The following HNF4G variants were observed in gnomAD, a reference collection of about 807,000 sequenced individuals.
HNF4G encodes hepatocyte nuclear factor 4 gamma, also known as hepatocyte nuclear factor 4-gamma.
In HNF4G, 21 loss-of-function variants were observed where a neutral mutation model predicts 50.9. The observed-to-expected ratio is 0.41, with a 90% confidence interval of 0.29 to 0.59. HNF4G has a LOEUF of 0.59. Among genes scored for constraint, HNF4G ranks in the 20% least tolerant of loss-of-function variants. The pLI is 0.26. For missense variants in HNF4G, 527 were observed against 559.4 expected (o/e 0.94, Z 0.58); for synonymous variants, 198 against 185.6 (o/e 1.07, Z -0.54).
At chr8:75,546,779 G>A (rs966418144) in intron 2 of HNF4G, among the ~76,000 whole-genome samples, 2 of 152,066 alleles carry the variant, frequency 1.3e-5, no homozygotes, top group African/African-American at 2.4e-5. Flanking sequence ...CAGTTGATAG[G>A]CATTTGGATA....
chr8:75,508,019 G>GA lies in HNF4G; in HGVS notation c.-24+17821dup, dbSNP rs1420512765. Among the ~76,000 whole-genome samples the GA allele has an allele frequency of 6.4e-3, 927 of 144,896 alleles. 9 individuals carry two copies. Among genetic ancestry groups the GA allele is most frequent in the African/African-American group, 0.021 (841 of 40,074 alleles). ...ATGAACAGAATAAAATAATAATTTT[G>GA]AAAAAAAAAAGATAAAAGCGAGAAG... On this transcript the variant is annotated intron_variant, in intron 2 of 10. Coordinates refer to the HNF4G transcript ENST00000354370.
At chr8:75,503,226 G>T (rs1456080916) in intron 2 of HNF4G, among the ~76,000 whole-genome samples, 1 of 152,114 alleles carries the variant, frequency 6.6e-6, no homozygotes, top group Admixed American at 6.6e-5. Context: ...GTTTGGTTTT[G>T]CTGCTTACTA....
chr8:75,530,336 A>G (rs1377981070), intron 2 of HNF4G, among the ~76,000 whole-genome samples: 2 of 152,034 alleles, frequency 1.3e-5, no homozygotes, highest in South Asian at 2.1e-4. Flanking sequence ...ACCTGCCCAC[A>G]AGGTTACTGT....
intron 1 of HNF4G, among the ~76,000 whole-genome samples, chr8:75,478,357 G>A (rs913903189): frequency 6.6e-6 from 1 of 152,170 alleles, no homozygotes; most frequent in Admixed American, 6.5e-5. Context: ...AAGGAATTCT[G>A]CATATTAGAA....
At chr8:75,544,782 A>G (rs1461294065) in intron 2 of HNF4G, among the ~76,000 whole-genome samples, 1 of 152,138 alleles carries the variant, frequency 6.6e-6, no homozygotes, top group Non-Finnish European at 1.5e-5. Context: ...ATTAACAAAA[A>G]TGGTTAAATT....
intron 2 of HNF4G, among the ~76,000 whole-genome samples, chr8:75,518,832 T>C (rs2130741166): frequency 6.6e-6 from 1 of 152,266 alleles, no homozygotes; most frequent in South Asian, 2.1e-4. Context: ...TTCCCCATTG[T>C]CTTAGTGATT....
intron 1 of HNF4G, among the ~76,000 whole-genome samples, chr8:75,434,267 G>T (rs991969917): frequency 1.3e-5 from 2 of 152,054 alleles, no homozygotes; most frequent in Non-Finnish European, 2.9e-5. Flanking sequence ...CTCCCAAAGT[G>T]CTGGGATTAC....
chr8:75,536,358 A>C (rs1055410176), upstream of HNF4G, among the ~76,000 whole-genome samples: 8 of 152,018 alleles, frequency 5.3e-5, no homozygotes, highest in African/African-American at 1.9e-4. Flanking sequence ...GCACTCATAA[A>C]TTTCTGTTGA....
rs1410424658 is a variant in HNF4G, at chr8:75,449,434, A to G, written c.-143-40655A>G. Among the ~76,000 whole-genome samples, 5 of 151,896 alleles carry G rather than the reference A, an allele frequency of 3.3e-5. No homozygotes were observed. The East Asian group carries it at 9.6e-4, about 29-fold the overall frequency. On this transcript the variant is annotated intron_variant, in intron 1 of 10. Coordinates refer to the HNF4G transcript ENST00000354370. ...GGTGTACTACATGATGTCTTGATAT[A>G]TGCATACACTGTAGAATGACTAGGT...
In HNF4G at chr8:75,558,605, T is replaced by A; in HGVS notation, c.821T>A (p.Phe274Tyr). The A allele has an allele frequency of 6.2e-7, 1 of 1,613,976 alleles. No individual in the cohort carries two copies. The highest frequency in any genetic ancestry group is 1.7e-4 in the Middle Eastern group (1 of 6,060). The change falls in exon 7 of 10, where the codon TTT becomes TAT. Residue 274 changes from phenylalanine (F) to tyrosine (Y), a missense_variant. Coordinates refer to ENST00000396423, the MANE Select transcript of HNF4G (RefSeq NM_004133.5). ...NRVLDELVRP[F>Y]QEIQIDDNEY... ...GTTCTAGATGAGCTGGTTAGACCAT[T>A]TCAAGAAATCCAGATTGATGACAAT...
At chr8:75,514,572 C>T (rs916424812) in intron 2 of HNF4G, among the ~76,000 whole-genome samples, 1 of 151,696 alleles carries the variant, frequency 6.6e-6, no homozygotes, top group African/African-American at 2.4e-5. Context: ...AGGCTGGTCT[C>T]GAACTCCTGA....
At chr8:75,528,888 C>T (rs1418206178) in intron 2 of HNF4G, among the ~76,000 whole-genome samples, 1 of 152,068 alleles carries the variant, frequency 6.6e-6, no homozygotes. Context: ...CACAGTTCCG[C>T]GTGGCTGGGG....
chr8:75,455,467 TTTAGGTACTG>T (rs1439260904), intron 1 of HNF4G, among the ~76,000 whole-genome samples: 1 of 152,134 alleles, frequency 6.6e-6, no homozygotes, highest in African/African-American at 2.4e-5. Flanking sequence ...GTGAGTAATG[TTTAGGTACTG>T]TGCTCCAGAG....
At chr8:75,454,999 T>A (rs13279381) in intron 1 of HNF4G, among the ~76,000 whole-genome samples, 1 of 152,266 alleles carries the variant, frequency 6.6e-6, no homozygotes, top group African/African-American at 2.4e-5. Flanking sequence ...ATGCTTGCCA[T>A]TCATATATAA....
At chr8:75,490,914 A>G (rs888388738) in intron 2 of HNF4G, among the ~76,000 whole-genome samples, 7 of 152,178 alleles carry the variant, frequency 4.6e-5, no homozygotes, top group Non-Finnish European at 1.0e-4. Context: ...TCCCTCTCTT[A>G]GCTTCCTATA....
intron 2 of HNF4G, among the ~76,000 whole-genome samples, chr8:75,493,106 T>A (rs1812674890): frequency 6.6e-6 from 1 of 152,064 alleles, no homozygotes; most frequent in African/African-American, 2.4e-5. Flanking sequence ...TGTGTAAAAA[T>A]ATGTATTGAA....
chr8:75,448,389 C>T lies in HNF4G; in HGVS notation c.-144+40227C>T, dbSNP rs1354347661. Among the ~76,000 whole-genome samples, 10 of 139,474 alleles carry T rather than the reference C, an allele frequency of 7.2e-5. No individual in the cohort carries two copies. The South Asian group carries it at 2.3e-3, about 32-fold the overall frequency. The allele number at this position is 139,474 out of a possible 152,430, so 91.5% of individuals were successfully genotyped here. On this transcript the variant is annotated intron_variant, in intron 1 of 10. Coordinates refer to the HNF4G transcript ENST00000354370. ...GCACATGTATACATATGTAACTAAC[C>T]TGCACAATGTGCACATGTACCCTAA...
At chr8:75,416,199 C>A (rs1435751958) in intron 1 of HNF4G, among the ~76,000 whole-genome samples, 1 of 152,076 alleles carries the variant, frequency 6.6e-6, no homozygotes, top group African/African-American at 2.4e-5. Flanking sequence ...AAAGAACTTA[C>A]TTTTTCAAAC....
Position 75,551,416 on chromosome 8 carries a change from C to T in HNF4G, c.411C>T (p.Ser137=). 1 of 1,612,258 alleles carries T rather than the reference C, an allele frequency of 6.2e-7. No individual in the cohort carries two copies. Among genetic ancestry groups the T allele is most frequent in the South Asian group, 1.1e-5 (1 of 91,058 alleles). Residue 137 remains serine, a synonymous_variant, in exon 4 of 10, where the codon AGC becomes AGT. Transcript: ENST00000396423. ...EAVQNERDRI[S]TRRSTFDGSN... ...TACAAAATGAACGTGACAGAATAAG[C>T]ACCAGAAGAAGCACATTTGATGGCA...
Sources: gnomAD v4.1 joint callset for allele counts (sites outside exome capture counted in the v4.1 genomes callset) on GRCh38, gnomAD v4.1.1 for gene constraint, MANE v1.5 for transcripts, NCBI Gene and HGNC (gene_info 2026-07-23, HGNC 2026-07-21) for gene names.